BORA: variants seen among roughly 807,000 people sequenced by gnomAD.
BORA encodes the protein protein aurora borealis.
BORA carries 26 observed loss-of-function variants against 55.8 expected under a neutral mutation model. The observed-to-expected ratio is 0.47, with a 90% CI of 0.34 to 0.65. The LOEUF (loss-of-function observed/expected upper bound fraction) is 0.65. Ranked by LOEUF, BORA falls within the 30% of genes least tolerant of loss-of-function variation. The probability of loss-of-function intolerance (pLI) is 0.01; values close to 1 mark genes in which losing one functional copy is unlikely to be tolerated. For synonymous variants in BORA, 201 were observed against 216.9 expected, an observed-to-expected ratio of 0.93 and a Z score of 0.64; for missense variants, 568 against 671.5, an observed-to-expected ratio of 0.85 and a Z score of 1.70.
Position 72,746,764 on chromosome 13 carries a change from G to T in BORA, c.1135G>T (p.Asp379Tyr), listed in dbSNP as rs376265700. The change falls in exon 10 of 12, where the codon GAT (aspartate) becomes TAT (tyrosine). Residue 379 changes from aspartate (D) to tyrosine (Y), a missense_variant. Physicochemically the swap from Asp to Tyr is radical, Grantham distance 160. Transcript: ENST00000390667. ...CACAGATGTCTCATCACCCGCCATGGATGCTGCTGGAATACACCTACGGCA... is the reference window on the plus strand; with the variant it reads ...CACAGATGTCTCATCACCCGCCATGTATGCTGCTGGAATACACCTACGGCA... The part of the protein sequence containing the change: ...PSTDVSSPAM[D>Y]AAGIHLRQFS... 5.0e-6 allele frequency: 8 copies of T among 1,614,148 alleles called. No individual in the cohort carries two copies. Among genetic ancestry groups the T allele is most frequent in the Non-Finnish European group, 6.8e-6 (8 of 1,179,994 alleles).
chr13:72,728,571 T>C (rs1020313333), intron 1 of BORA, among the ~76,000 whole-genome samples: 2 of 152,328 alleles, frequency 1.3e-5, no homozygotes, highest in African/African-American at 4.8e-5. Context: ...ATTGTAGCTA[T>C]AAGTCCTTTA....
Position 72,755,278 on chromosome 13 carries a change from G to A in BORA, c.*62G>A. 1 of 1,380,750 alleles carries A rather than the reference G, an allele frequency of 7.2e-7. No homozygotes were observed. Among genetic ancestry groups the A allele is most frequent in the Non-Finnish European group, 1.0e-6 (1 of 976,368 alleles). The allele number at this position is 1,380,750 out of a possible 1,614,324, so 85.5% of individuals were successfully genotyped here. On this transcript the variant is annotated 3_prime_UTR_variant, in exon 12 of 12. Transcript: ENST00000390667. ...TTCCTCGCATATATCGTTGTGCACAGGATCAACATGATGGTGACTGGGAAA... is the reference window on the plus strand; with the variant it reads ...TTCCTCGCATATATCGTTGTGCACAAGATCAACATGATGGTGACTGGGAAA...
At chr13:72,743,683 C>A in intron 6 of BORA, 81 bp downstream of exon 6, 6 of 980,762 alleles carry the variant, frequency 6.1e-6, no homozygotes, top group South Asian at 1.8e-5. Flanking sequence ...GGTAGTAACA[C>A]TTTACTCTGG....
intron 10 of BORA, among the ~76,000 whole-genome samples, chr13:72,749,822 A>G (rs1221426086): frequency 6.6e-6 from 1 of 152,000 alleles, no homozygotes; most frequent in African/African-American, 2.4e-5. Context: ...TTTTTCATTG[A>G]CAACTTATTG....
At chr13:72,744,587 T>C (rs749529460) in intron 7 of BORA, 26 bp downstream of exon 7, 3 of 1,544,812 alleles carry the variant, frequency 1.9e-6, no homozygotes, top group South Asian at 1.2e-5. Context: ...GTTTAAACTT[T>C]TAATAACTTG....
chr13:72,731,957 G>A (rs184504330), intron 3 of BORA, among the ~76,000 whole-genome samples: 3 of 152,224 alleles, frequency 2.0e-5, no homozygotes, highest in Non-Finnish European at 4.4e-5. Flanking sequence ...TTGTTGATGT[G>A]TTGTTTAGGT....
At position 72,753,746 on chromosome 13, in the gene BORA, G is replaced by A. The variant is rs766581033; in HGVS notation, c.1539G>A (p.Gly513=). ...GAAGCAATATTATGGATACAGTTGGGGCAGAAAGTTACTGCAAAGAAAGTG... is the reference window on the plus strand; with the variant it reads ...GAAGCAATATTATGGATACAGTTGGAGCAGAAAGTTACTGCAAAGAAAGTG... ...NCGSNIMDTV[G]AESYCKESDA... Residue 513 remains glycine (G), a synonymous_variant, in exon 11 of 12, where the codon GGG becomes GGA. Coordinates refer to ENST00000390667, the MANE Select transcript of BORA (RefSeq NM_024808.5). The A allele has an allele frequency of 1.9e-6, 3 of 1,613,248 alleles. No individual in the cohort carries two copies. Among genetic ancestry groups the A allele is most frequent in the East Asian group, 2.2e-5 (1 of 44,788 alleles).
chr13:72,728,812 T>C (rs2032744476), intron 1 of BORA, 114 bp from the exon 2 acceptor site: 3 of 851,934 alleles, frequency 3.5e-6, no homozygotes, highest in East Asian at 2.9e-5. Context: ...GCCCCAAGAG[T>C]GTGAGGTTTT....
chr13:72,755,214 T>C lies in BORA; in HGVS notation c.1678T>C (p.Ter560GlnextTer9), dbSNP rs762646878. The part of the protein sequence containing the change: ...TASPFQCSSP[*>Q] ...AAGCCCTTTTCAATGCAGCAGTCCA[T>C]AGAATGCCTCTGTCAGAATCAAAGA... is the stretch of plus-strand genomic sequence containing the variant. The change falls in exon 12 of 12, where the codon TAG becomes CAG. Residue 560 changes from the stop codon to glutamine (Q), a stop_lost. Coordinates refer to ENST00000390667, the MANE Select transcript of BORA (RefSeq NM_024808.5). 3.1e-6 allele frequency: 5 copies of C among 1,610,700 alleles called. No individual in the cohort carries two copies. Among genetic ancestry groups the C allele is most frequent in the African/African-American group, 1.3e-5 (1 of 74,942 alleles).
intron 10 of BORA, among the ~76,000 whole-genome samples, chr13:72,748,279 G>T (rs1426815965): frequency 6.6e-6 from 1 of 152,200 alleles, no homozygotes; most frequent in East Asian, 1.9e-4. Context: ...CAACTAGTAA[G>T]TGGAAGAGCT....
At chr13:72,744,947 C>A in intron 7 of BORA, 34 bp from the exon 8 acceptor site, 1 of 1,577,270 alleles carries the variant, frequency 6.3e-7, no homozygotes, top group Non-Finnish European at 8.7e-7. Flanking sequence ...TTTAAAATGA[C>A]TAGCTTTGCC....
chr13:72,754,823 T>G lies in BORA; in HGVS notation c.1615-328T>G, dbSNP rs2033401663. On this transcript the variant is annotated intron_variant, in intron 11 of 11. Transcript: ENST00000390667. ...CTTCACCTCCCAGACTCAAGCAGTCTTACCACCTCAGCCTCCTGAGTAGCT... is the reference window on the plus strand; with the variant it reads ...CTTCACCTCCCAGACTCAAGCAGTCGTACCACCTCAGCCTCCTGAGTAGCT... 3 of 212,962 alleles carry G rather than the reference T, an allele frequency of 1.4e-5. No homozygotes were observed. The South Asian group carries it at 2.9e-4, about 21-fold the overall frequency. 13.2% of individuals were successfully genotyped at this position (212,962 alleles called of 1,614,324 possible).
At chr13:72,739,356 C>A (rs1047388384) in intron 5 of BORA, among the ~76,000 whole-genome samples, 1 of 152,184 alleles carries the variant, frequency 6.6e-6, no homozygotes, top group East Asian at 1.9e-4. Context: ...GAAATCTAAT[C>A]AAGCCCACGA....
At chr13:72,728,882 G>GGGAC in intron 1 of BORA, 44 bp from the exon 2 acceptor site, 1 of 1,476,264 alleles carries the variant, frequency 6.8e-7, no homozygotes, top group Non-Finnish European at 9.0e-7. Flanking sequence ...TAATATCTAT[G>GGGAC]GGACTTTGTA....
intron 9 of BORA, 91 bp downstream of exon 9, chr13:72,746,167 G>A: frequency 8.4e-7 from 1 of 1,195,684 alleles, no homozygotes; most frequent in Non-Finnish European, 1.2e-6. Flanking sequence ...TAATGATAGA[G>A]CTCAAAATGA....
intron 10 of BORA, 101 bp downstream of exon 10, chr13:72,747,212 A>T (rs938877931): frequency 5.6e-6 from 7 of 1,259,506 alleles, no homozygotes; most frequent in Non-Finnish European, 3.3e-6. Context: ...AAACATGAGG[A>T]CTACAGTATT....
At chr13:72,753,471 T>G (rs1481613960) in intron 10 of BORA, 1 of 393,678 alleles carries the variant, frequency 2.5e-6, no homozygotes, top group East Asian at 4.3e-5. Flanking sequence ...TTACAAGATA[T>G]ATTTCATTGG....
intron 11 of BORA, chr13:72,754,040 G>T: frequency 2.3e-6 from 1 of 440,486 alleles, no homozygotes; most frequent in Non-Finnish European, 4.0e-6. Context: ...GCGTGTATTT[G>T]ATGAGGGCAT....
At chr13:72,730,389 A>T (rs1468256526) in intron 2 of BORA, among the ~76,000 whole-genome samples, 1 of 152,222 alleles carries the variant, frequency 6.6e-6, no homozygotes, top group African/African-American at 2.4e-5. Context: ...GTTGGAATGT[A>T]TGGCATCTTG....
Sources: gnomAD v4.1 joint callset for allele counts (sites outside exome capture counted in the v4.1 genomes callset) on GRCh38, gnomAD v4.1.1 for gene constraint, MANE v1.5 for transcripts, NCBI Gene and HGNC (gene_info 2026-07-23, HGNC 2026-07-21) for gene names.